SWT1: variants seen among roughly 807,000 people sequenced by gnomAD.
The protein encoded by SWT1 is transcriptional protein SWT1.
In SWT1, 33 loss-of-function variants were observed where a neutral mutation model predicts 107.3. The ratio of observed to expected loss-of-function variants is 0.31; its 90% CI spans 0.23 to 0.41. The LOEUF is 0.41. Among genes scored for constraint, SWT1 ranks in the 10% least tolerant of loss-of-function variants. The pLI is 1.00. For synonymous variants in SWT1, 345 were observed against 348.3 expected (o/e 0.99, Z 0.11); for missense variants, 898 against 1,028.9 (o/e 0.87, Z 1.74).
chr1:185,176,939 G>T (rs1026556804), intron 5 of SWT1: 1 of 700,784 alleles, frequency 1.4e-6, no homozygotes, highest in African/African-American at 2.0e-5. Flanking sequence ...AGCCAAGATC[G>T]CGCCACTGCA....
intron 16 of SWT1, among the ~76,000 whole-genome samples, chr1:185,244,522 C>T (rs547441311): frequency 1.3e-5 from 2 of 152,196 alleles, no homozygotes; most frequent in Middle Eastern, 3.4e-3. Context: ...AGAACACTTA[C>T]CACAATGTAG....
At chr1:185,255,074 A>G (rs1167308713) in intron 16 of SWT1, among the ~76,000 whole-genome samples, 1 of 151,958 alleles carries the variant, frequency 6.6e-6, no homozygotes, top group Non-Finnish European at 1.5e-5. Context: ...TTCAGTTTCC[A>G]TGTAGTTGAG....
chr1:185,279,262 C>A (rs544259802), intron 18 of SWT1, among the ~76,000 whole-genome samples: 30 of 152,250 alleles, frequency 2.0e-4, no homozygotes, highest in Admixed American at 1.0e-3. Context: ...ATTGTAGATA[C>A]ATGGAGGCCA....
chr1:185,163,424 C>T (rs1336509604), intron 2 of SWT1, among the ~76,000 whole-genome samples: 1 of 145,106 alleles, frequency 6.9e-6, no homozygotes. Flanking sequence ...AACAGAGTCT[C>T]ACTGTGTCTC....
At chr1:185,196,677 G>T (rs1393880068) in intron 10 of SWT1, among the ~76,000 whole-genome samples, 1 of 152,096 alleles carries the variant, frequency 6.6e-6, no homozygotes, top group Non-Finnish European at 1.5e-5. Context: ...GTGGTTTGTA[G>T]TTCTTCTTAA....
At position 185,168,220 on chromosome 1, in the gene SWT1, C is replaced by G. The variant is rs1654747528; in HGVS notation, c.166-120C>G. The G allele has an allele frequency of 5.3e-6, 3 of 564,538 alleles. No homozygotes were observed. In the East Asian group the frequency reaches 1.6e-4, roughly 30 times the overall value. The allele number at this position is 564,538 out of a possible 1,614,324, so 35.0% of individuals were successfully genotyped here. A position where few individuals can be genotyped will look rare whatever the true frequency, so the allele number is the denominator to read the frequency against. On this transcript the variant is annotated intron_variant, in intron 3 of 18. Transcript: ENST00000367500. The stretch of plus-strand genomic sequence containing the variant: ...AAACGGGGATGATGATAATATCCAT[C>G]TCACCGGATTACTGGAAAGATTAAG...
intron 13 of SWT1, among the ~76,000 whole-genome samples, chr1:185,211,526 G>A (rs1658805651): frequency 6.6e-6 from 1 of 152,148 alleles, no homozygotes. Flanking sequence ...GCAACATATT[G>A]GACATCTCTC....
chr1:185,271,216 C>G, intron 16 of SWT1, 107 bp from the exon 17 acceptor site: 2 of 649,676 alleles, frequency 3.1e-6, no homozygotes, highest in Non-Finnish European at 5.6e-6. Context: ...GCTTATTAAA[C>G]AATAAGTTAC....
At position 185,160,905 on chromosome 1, in the gene SWT1, T is replaced by G; in HGVS notation, c.64T>G (p.Ser22Ala). 1 of 1,612,540 alleles carries G rather than the reference T, an allele frequency of 6.2e-7. No individual in the cohort carries two copies. The highest frequency in any genetic ancestry group is 8.5e-7 in the Non-Finnish European group (1 of 1,179,266). ...TSQRKDTTTSSPNFGEKDKKE... is the reference protein window; with the variant it reads ...TSQRKDTTTSAPNFGEKDKKE... ...TCAGAGGAAAGACACCACCACCTCA[T>G]CACCCAATTTTGGTGAAAAAGTAAG... Residue 22 changes from serine (S) to alanine (A), a missense_variant, in exon 2 of 19, where the codon TCA (serine) becomes GCA (alanine). Coordinates refer to ENST00000367500, the MANE Select transcript of SWT1 (RefSeq NM_017673.7).
At chr1:185,170,049 T>C (rs903997723) in intron 4 of SWT1, among the ~76,000 whole-genome samples, 2 of 152,098 alleles carry the variant, frequency 1.3e-5, no homozygotes, top group Non-Finnish European at 2.9e-5. Context: ...ATAAGTGAAA[T>C]TGCAAAGCCT....
At position 185,214,515 on chromosome 1, in the gene SWT1, G is replaced by A; in HGVS notation, c.1981G>A (p.Ala661Thr). The A allele has an allele frequency of 2.5e-6, 4 of 1,606,840 alleles. No homozygotes were observed. Among genetic ancestry groups the A allele is most frequent in the Non-Finnish European group, 2.5e-6 (3 of 1,176,668 alleles). ...TAATTTTCTGTTACCAGCTAATAAG[G>A]CAGTGGATTTTACAACAGTCAAATT... ...LYKNLRKANK[A>T]VDFTTVKFLL... The change falls in exon 14 of 19, where the codon GCA (alanine) becomes ACA (threonine). Residue 661 changes from alanine to threonine, a missense_variant. By Grantham distance (58) the Ala-to-Thr change is moderately conservative (BLOSUM62 0). Transcript: ENST00000367500.
chr1:185,244,894 A>G (rs2102621768), intron 16 of SWT1, among the ~76,000 whole-genome samples: 1 of 152,270 alleles, frequency 6.6e-6, no homozygotes, highest in South Asian at 2.1e-4. Context: ...TAGTCTAGGC[A>G]ACATAGTGAG....
chr1:185,239,355 T>G (rs1298075427), intron 16 of SWT1, among the ~76,000 whole-genome samples: 1 of 152,120 alleles, frequency 6.6e-6, no homozygotes, highest in African/African-American at 2.4e-5. Flanking sequence ...AAAGTTGATA[T>G]GTGAAGTTTG....
chr1:185,271,154 T>C (rs1317521892), intron 16 of SWT1, among the ~76,000 whole-genome samples, 169 bp from the exon 17 acceptor site: 1 of 152,214 alleles, frequency 6.6e-6, no homozygotes, highest in Non-Finnish European at 1.5e-5. Context: ...TTGAATTAAG[T>C]TTCTGGTTTT....
At chr1:185,258,631 T>C (rs2102684736) in intron 16 of SWT1, among the ~76,000 whole-genome samples, 1 of 152,266 alleles carries the variant, frequency 6.6e-6, no homozygotes, top group East Asian at 1.9e-4. Context: ...AGTTTGAAAA[T>C]ATAATTTTAT....
At chr1:185,241,942 G>A (rs917845680) in intron 16 of SWT1, among the ~76,000 whole-genome samples, 2 of 152,108 alleles carry the variant, frequency 1.3e-5, no homozygotes, top group Non-Finnish European at 2.9e-5. Context: ...AGATGATGGA[G>A]CCTCCAGTAA....
intron 9 of SWT1, among the ~76,000 whole-genome samples, chr1:185,188,711 T>A (rs1298296358): frequency 6.6e-6 from 1 of 152,182 alleles, no homozygotes; most frequent in Non-Finnish European, 1.5e-5. Context: ...AGGCCAGAAG[T>A]TGAGAGAAAA....
chr1:185,224,364 GT>G (rs1013860587), intron 15 of SWT1, among the ~76,000 whole-genome samples: 1 of 151,896 alleles, frequency 6.6e-6, no homozygotes, highest in African/African-American at 2.4e-5. Flanking sequence ...TTTGTTGTTT[GT>G]TTTTTTCTTG....
chr1:185,196,339 G>A (rs1181880694), intron 10 of SWT1, among the ~76,000 whole-genome samples: 3 of 152,034 alleles, frequency 2.0e-5, no homozygotes, highest in Non-Finnish European at 4.4e-5. Flanking sequence ...TGTTCCATTG[G>A]TCTATATCTC....
Sources: gnomAD v4.1 joint callset for allele counts (sites outside exome capture counted in the v4.1 genomes callset) on GRCh38, gnomAD v4.1.1 for gene constraint, MANE v1.5 for transcripts, NCBI Gene and HGNC (gene_info 2026-07-23, HGNC 2026-07-21) for gene names.